Variants in SRRM3 observed in about 807,000 individuals in gnomAD.
SRRM3 encodes the protein serine/arginine repetitive matrix protein 3.
Under a neutral mutation model 66.2 loss-of-function variants are expected in SRRM3, and 27 were observed. The observed-to-expected ratio is 0.41, with a 90% confidence interval of 0.30 to 0.56. The LOEUF is 0.56. SRRM3 is among the 20% of genes least tolerant of loss of function. The probability of loss-of-function intolerance (pLI) is 0.32; values close to 1 mark genes in which losing one functional copy is unlikely to be tolerated. For synonymous variants in SRRM3, 391 were observed against 414.9 expected (o/e 0.94, Z 0.70); for missense variants, 918 against 991.9 (o/e 0.93, Z 1.00).
chr7:76,279,327 C>T (rs1391579987), intron 11 of SRRM3, among the ~76,000 whole-genome samples: 4 of 151,972 alleles, frequency 2.6e-5, no homozygotes, highest in East Asian at 3.9e-4. Flanking sequence ...TTCTAGGACT[C>T]GCTTCCTTCC....
intron 1 of SRRM3, among the ~76,000 whole-genome samples, chr7:76,221,828 T>C (rs1476343363): frequency 3.3e-5 from 5 of 152,242 alleles, no homozygotes; most frequent in Non-Finnish European, 5.9e-5. Flanking sequence ...CTGGTCTAAC[T>C]CATGCCTGTA....
chr7:76,249,874 T>C (rs1801529776), intron 3 of SRRM3, among the ~76,000 whole-genome samples: 1 of 151,984 alleles, frequency 6.6e-6, no homozygotes, highest in African/African-American at 2.4e-5. Flanking sequence ...CAAAAAATAA[T>C]AATAAAATAA....
At chr7:76,263,808 G>T (rs540864170) in intron 8 of SRRM3, among the ~76,000 whole-genome samples, 53 of 143,688 alleles carry the variant, frequency 3.7e-4, no homozygotes, top group Non-Finnish European at 6.4e-4. Flanking sequence ...GCAAGGTGGA[G>T]GTTGCAGTGA....
intron 1 of SRRM3, among the ~76,000 whole-genome samples, chr7:76,220,603 GA>G (rs1800684748): frequency 6.6e-6 from 1 of 152,204 alleles, no homozygotes; most frequent in African/African-American, 2.4e-5. Context: ...AGCACAGACT[GA>G]GACGGCAGGG....
chr7:76,248,179 C>T lies in SRRM3; in HGVS notation c.234-9C>T, dbSNP rs1801487944. On this transcript the variant is annotated splice_polypyrimidine_tract_variant and intron_variant, in intron 2 of 14. Transcript: ENST00000611745. ...GACCAGCCCCTTCACCCTCTCTGTG[C>T]CCCTGCAGGTATTCGGAGGAGGAGA... 1 of 1,608,766 alleles carries T rather than the reference C, an allele frequency of 6.2e-7. No homozygotes were observed. Among genetic ancestry groups the T allele is most frequent in the Non-Finnish European group, 8.5e-7 (1 of 1,176,612 alleles).
Position 76,285,026 on chromosome 7 carries a change from G to A in SRRM3, c.1734-589G>A, listed in dbSNP as rs1162919821. Among the ~76,000 whole-genome samples, 1 of 152,204 alleles carries A rather than the reference G, an allele frequency of 6.6e-6. No individual in the cohort carries two copies. Among genetic ancestry groups the A allele is most frequent in the East Asian group, 1.9e-4 (1 of 5,192 alleles). On this transcript the variant is annotated intron_variant, in intron 14 of 14. Coordinates refer to ENST00000611745, the MANE Select transcript of SRRM3 (RefSeq NM_001110199.3). This position sits in a 1 kb window ranked among gnomAD's most constrained non-coding sequence, Gnocchi z 4.1. ...CACAGACACTTACACGCCAGCTTGG[G>A]TGATGGGAGCTGTCCACATTTGCAA...
At chr7:76,231,427 C>A (rs188897252) in intron 1 of SRRM3, among the ~76,000 whole-genome samples, 10 of 152,380 alleles carry the variant, frequency 6.6e-5, no homozygotes, top group Admixed American at 1.3e-4. Flanking sequence ...GTTTGGAGAT[C>A]TGAGTGCATT....
rs386353056 is a variant in SRRM3 at position 76,277,716 on chromosome 7, CAA to C, written c.1009-3707_1009-3706del. ...CTGTCTCAAAACAAATAAACAACAACAAAAAAAAAAAAAAAAAAAGAGAGAGA... is the reference window on the plus strand; with the variant it reads ...CTGTCTCAAAACAAATAAACAACAACAAAAAAAAAAAAAAAAAGAGAGAGA... On this transcript the variant is annotated intron_variant, in intron 11 of 14. Coordinates refer to ENST00000611745, the MANE Select transcript of SRRM3 (RefSeq NM_001110199.3). Among the ~76,000 whole-genome samples, 933 of 102,726 alleles carry C rather than the reference CAA, an allele frequency of 9.1e-3. 57 individuals carry two copies. Among genetic ancestry groups the C allele is most frequent in the Admixed American group, 0.078 (748 of 9,542 alleles). 67.4% of individuals were successfully genotyped at this position (102,726 alleles called of 152,430 possible).
At chr7:76,269,846 T>G (rs1025776047) in intron 11 of SRRM3, 5 of 151,942 alleles carry the variant, frequency 3.3e-5, no homozygotes, top group Non-Finnish European at 5.9e-5. Flanking sequence ...AATTTTCTTT[T>G]TGTGTGTGTT....
intron 8 of SRRM3, among the ~76,000 whole-genome samples, chr7:76,264,032 C>A (rs1249339820): frequency 6.6e-6 from 1 of 151,876 alleles, no homozygotes; most frequent in Non-Finnish European, 1.5e-5. Context: ...AGGCCACACC[C>A]CAATACTCAA....
chr7:76,266,217 A>ATT (rs1554609572), intron 10 of SRRM3, among the ~76,000 whole-genome samples: 2 of 90,212 alleles, frequency 2.2e-5, no homozygotes, highest in African/African-American at 1.3e-4. Flanking sequence ...AATATATATA[A>ATT]ATATTTATAT....
intron 2 of SRRM3, among the ~76,000 whole-genome samples, chr7:76,237,136 G>A (rs1057155646): frequency 7.9e-5 from 12 of 152,178 alleles, no homozygotes; most frequent in East Asian, 5.8e-4. Flanking sequence ...GGCCAGGTGC[G>A]GTGGCTCACG....
At chr7:76,224,641 A>G (rs1311779237) in intron 1 of SRRM3, among the ~76,000 whole-genome samples, 1 of 152,140 alleles carries the variant, frequency 6.6e-6, no homozygotes, top group Non-Finnish European at 1.5e-5. Flanking sequence ...ACAAGAGGGT[A>G]TTAGCTACGA....
intron 11 of SRRM3, among the ~76,000 whole-genome samples, chr7:76,272,714 C>T (rs1337290188): frequency 6.6e-6 from 1 of 152,090 alleles, no homozygotes; most frequent in South Asian, 2.1e-4. Context: ...AGGTGACACC[C>T]TTAGGTGAGG....
chr7:76,251,450 C>A (rs965996722), intron 3 of SRRM3, among the ~76,000 whole-genome samples: 2 of 151,852 alleles, frequency 1.3e-5, no homozygotes, highest in African/African-American at 4.8e-5. Context: ...TCTCGGCTCA[C>A]TGCAAGCTCC....
Position 76,259,086 on chromosome 7 carries a change from A to G in SRRM3, c.336-820A>G, listed in dbSNP as rs1194651556. On this transcript the variant is annotated intron_variant, in intron 3 of 14. Transcript: ENST00000611745. ...GGACAACGGAGTGAGACTGAAAAAA[A>G]AAAGAAAGAAAAGAAAAGAGAAATT... Among the ~76,000 whole-genome samples, 3 of 151,896 alleles carry G rather than the reference A, an allele frequency of 2.0e-5. No homozygotes were observed. In the South Asian group the frequency reaches 6.2e-4, roughly 32 times the overall value.
At chr7:76,222,869 G>A (rs1336473296) in intron 1 of SRRM3, among the ~76,000 whole-genome samples, 1 of 152,084 alleles carries the variant, frequency 6.6e-6, no homozygotes, top group Non-Finnish European at 1.5e-5. Context: ...TCCTGGCTCA[G>A]CCTCCCAAAG....
At chr7:76,260,489 G>C (rs1801835046) in intron 5 of SRRM3, among the ~76,000 whole-genome samples, 1 of 116,594 alleles carries the variant, frequency 8.6e-6, no homozygotes, top group Admixed American at 9.4e-5. Context: ...CCCTCACCGA[G>C]CCCCTCCCCT....
chr7:76,282,611 T>C, intron 12 of SRRM3, 37 bp from the exon 13 acceptor site: 1 of 553,718 alleles, frequency 1.8e-6, no homozygotes, highest in South Asian at 2.6e-5. Flanking sequence ...CCTTTCCGGG[T>C]CGCTGAGCCC....
Sources: gnomAD v4.1 joint callset for allele counts (sites outside exome capture counted in the v4.1 genomes callset) on GRCh38, gnomAD v4.1.1 for gene constraint, Gnocchi (gnomAD v3.1) non-coding constraint, MANE v1.5 for transcripts, NCBI Gene and HGNC (gene_info 2026-07-23, HGNC 2026-07-21) for gene names.